Variants in BTNL2 observed in about 807,000 individuals in gnomAD.
BTNL2 encodes butyrophilin-like protein 2.
Under a neutral mutation model 46.8 loss-of-function variants are expected in BTNL2, and 46 were observed. The ratio of observed to expected loss-of-function variants is 0.98; its 90% CI spans 0.78 to 1.26. The LOEUF is 1.26. Ranked by LOEUF, BTNL2 falls within the 50% of genes most tolerant of loss-of-function variation. The pLI is 0.00. For missense variants in BTNL2, 461 were observed against 592.6 expected (o/e 0.78, Z 2.31); for synonymous variants, 226 against 229.1 (o/e 0.99, Z 0.12).
Position 32,405,117 on chromosome 6 carries a change from C to T in BTNL2, c.249G>A (p.Val83=), listed in dbSNP as rs769084104. 5 of 1,613,064 alleles carry T rather than the reference C, an allele frequency of 3.1e-6. No individual in the cohort carries two copies. Among genetic ancestry groups the T allele is most frequent in the Non-Finnish European group, 4.2e-6 (5 of 1,180,028 alleles). The part of the protein sequence containing the change: ...PVFVHRDGVE[V]TEMQMEEYRG... ...TGTACTCCTCCATCTGCATCTCAGT[C>T]ACCTCCACTCCATCCCTGTGCACAA... The change falls in exon 2 of 8, where the codon GTG becomes GTA. Residue 83 remains valine (V), a synonymous_variant. Coordinates refer to ENST00000454136, the MANE Select transcript of BTNL2 (RefSeq NM_001304561.2).
rs1190728338 is a variant in BTNL2 at position 32,407,093 on chromosome 6, C to T, written c.31G>A (p.Gly11Ser). 3.1e-6 allele frequency: 5 copies of T among 1,613,000 alleles called. No individual in the cohort carries two copies. Among genetic ancestry groups the T allele is most frequent in the East Asian group, 2.2e-5 (1 of 44,882 alleles). The change falls in exon 1 of 8, where the codon GGT becomes AGT. Residue 11 changes from glycine (G) to serine (S), a missense_variant. Coordinates refer to ENST00000454136, the MANE Select transcript of BTNL2 (RefSeq NM_001304561.2). Reference sequence around the variant, plus strand: ...ATGAATAGGAAGGAGGCGACTGCACCAGACAGATTGTAGCCTGGAAAATCC... The same window carrying T: ...ATGAATAGGAAGGAGGCGACTGCACTAGACAGATTGTAGCCTGGAAAATCC... The part of the protein sequence containing the change: MVDFPGYNLS[G>S]AVASFLFILL...
At chr6:32,405,457 C>T in intron 1 of BTNL2, 171 bp from the exon 2 acceptor site, 1 of 767,464 alleles carries the variant, frequency 1.3e-6, no homozygotes, top group Admixed American at 2.0e-5. Flanking sequence ...GTTACAGAGT[C>T]AATTTTGTGT....
At chr6:32,395,408 A>G (rs942006517) in intron 5 of BTNL2, among the ~76,000 whole-genome samples, 2 of 152,240 alleles carry the variant, frequency 1.3e-5, no homozygotes, top group African/African-American at 2.4e-5. Flanking sequence ...GGCAGAAAAT[A>G]CGAGGCTCAT....
chr6:32,404,806 C>G (rs979399516), intron 2 of BTNL2, 133 bp downstream of exon 2: 3 of 835,508 alleles, frequency 3.6e-6, no homozygotes, highest in African/African-American at 1.7e-5. Flanking sequence ...ATTTTTAAAT[C>G]AATCAGGGTA....
chr6:32,406,917 G>A, intron 1 of BTNL2, 128 bp downstream of exon 1: 1 of 785,954 alleles, frequency 1.3e-6, no homozygotes, highest in Non-Finnish European at 2.1e-6. Context: ...TCAAAAGTGA[G>A]GAGTTCCTTT....
chr6:32,399,940 G>A lies in BTNL2; in HGVS notation c.730+1845C>T, dbSNP rs896128898. Among the ~76,000 whole-genome samples the A allele has an allele frequency of 2.4e-4, 37 of 152,236 alleles. No individual in the cohort carries two copies. The highest frequency in any genetic ancestry group is 7.7e-4 in the African/African-American group (32 of 41,558). ...CCCACCTGACAGGAAGCAAAGGGAA[G>A]CTCCATCTTTCCGTGTTGGTTAATT... On this transcript the variant is annotated intron_variant, in intron 4 of 7. Coordinates refer to ENST00000454136, the MANE Select transcript of BTNL2 (RefSeq NM_001304561.2). The surrounding 1 kb of genome is among the most constrained non-coding windows in gnomAD (Gnocchi z 5.2).
In BTNL2 at chr6:32,396,898, C is replaced by T. The variant is rs796092835; in HGVS notation, c.731-512G>A. ...AGGAGGCTGAGGTGGAAAAATTGCT[C>T]GAACCCGGGAGGCAGAGGTTGCAGT... is the stretch of plus-strand genomic sequence containing the variant. On this transcript the variant is annotated intron_variant, in intron 4 of 7. Transcript: ENST00000454136. This position sits in a 1 kb window ranked among gnomAD's most constrained non-coding sequence, Gnocchi z 4.4. 0.011 allele frequency among the ~76,000 whole-genome samples: 1,744 copies of T among 151,848 alleles called. 55 individuals carry two copies. Among genetic ancestry groups the T allele is most frequent in the East Asian group, 0.1 (514 of 5,056 alleles).
Position 32,407,046 on chromosome 6 carries a change from T to G in BTNL2, c.78A>C (p.Ser26=), listed in dbSNP as rs1216253953. The change falls in exon 1 of 8, where the codon TCA becomes TCC. Residue 26 remains serine (S), a splice_region_variant and synonymous_variant. Transcript: ENST00000454136. ...AGTAAAGGGAGAAGGGAATCCTACCTGACTGCTTCATTGTCAGCAGGATGA... is the reference window on the plus strand; with the variant it reads ...AGTAAAGGGAGAAGGGAATCCTACCGGACTGCTTCATTGTCAGCAGGATGA... ...FLFILLTMKQ[S]EDFRVIGPAH... 6.2e-7 allele frequency: 1 copy of G among 1,612,622 alleles called. No homozygotes were observed. Among genetic ancestry groups the G allele is most frequent in the Non-Finnish European group, 8.5e-7 (1 of 1,179,806 alleles).
intron 2 of BTNL2, among the ~76,000 whole-genome samples, chr6:32,404,597 G>A (rs560506341): frequency 2.0e-5 from 3 of 152,182 alleles, no homozygotes; most frequent in South Asian, 2.1e-4. Flanking sequence ...TACAGATGCC[G>A]GACGTCAGCT....
At chr6:32,403,304 G>A in intron 2 of BTNL2, 88 bp from the exon 3 acceptor site, 2 of 1,429,792 alleles carry the variant, frequency 1.4e-6, no homozygotes, top group Non-Finnish European at 9.3e-7. Flanking sequence ...TGCTCACAGG[G>A]AGGTGGCCGG....
chr6:32,403,402 G>T (rs2076522), intron 2 of BTNL2, among the ~76,000 whole-genome samples, 186 bp from the exon 3 acceptor site: 11 of 152,004 alleles, frequency 7.2e-5, no homozygotes, highest in Non-Finnish European at 1.2e-4. Context: ...CCCCAGTCTG[G>T]GTCTTTACAT....
rs1208647471 is a variant in BTNL2, at chr6:32,396,809, C to T, written c.731-423G>A. 6.6e-6 allele frequency among the ~76,000 whole-genome samples: 1 copy of T among 151,542 alleles called. No homozygotes were observed. Among genetic ancestry groups the T allele is most frequent in the Non-Finnish European group, 1.5e-5 (1 of 67,956 alleles). The stretch of plus-strand genomic sequence containing the variant: ...CAGCCTGGCCAACATGGTGAAACCC[C>T]GTCTCTACAGAAATACAAAAATTAG... On this transcript the variant is annotated intron_variant, in intron 4 of 7. Transcript: ENST00000454136. This position sits in a 1 kb window ranked among gnomAD's most constrained non-coding sequence, Gnocchi z 4.4.
At position 32,401,207 on chromosome 6, in the gene BTNL2, C is replaced by CAAAAAAAAAAAAAAAA. The variant is rs9279632; in HGVS notation, c.730+562_730+577dup. Among the ~76,000 whole-genome samples the CAAAAAAAAAAAAAAAA allele has an allele frequency of 5.7e-4, 22 of 38,918 alleles. 1 individual carries two copies. Among genetic ancestry groups the CAAAAAAAAAAAAAAAA allele is most frequent in the Admixed American group, 1.9e-3 (4 of 2,068 alleles). The allele number at this position is 38,918 out of a possible 152,430, so 25.5% of individuals were successfully genotyped here. On this transcript the variant is annotated intron_variant, in intron 4 of 7. Transcript: ENST00000454136. ...TGGGCGACAGAGCAAGACTCCGTCTCAAAAAAAAAAAAAAAAAAAAAAAAA... is the reference window on the plus strand; with the variant it reads ...TGGGCGACAGAGCAAGACTCCGTCTCAAAAAAAAAAAAAAAAAAAAAAAAAAAAAAAAAAAAAAAAA...
rs115645717 is a variant in BTNL2 at position 32,394,542 on chromosome 6, G to A, written c.1360+202C>T. ...CCAATGATAAAAATAATTGCAGGGC[G>A]CTAGTTGAGGGTGTCAGAGAGAAAC... On this transcript the variant is annotated intron_variant, in intron 6 of 7. Transcript: ENST00000454136. The surrounding 1 kb of genome is among the most constrained non-coding windows in gnomAD (Gnocchi z 4.6). Among the ~76,000 whole-genome samples the A allele has an allele frequency of 2.0e-3, 300 of 152,290 alleles. 1 individual carries two copies. Among genetic ancestry groups the A allele is most frequent in the African/African-American group, 6.9e-3 (288 of 41,546 alleles).
chr6:32,404,942 C>T lies in BTNL2; in HGVS notation c.424G>A (p.Ala142Thr). The T allele has an allele frequency of 6.2e-7, 1 of 1,612,204 alleles. No homozygotes were observed. The highest frequency in any genetic ancestry group is 8.5e-7 in the Non-Finnish European group (1 of 1,179,220). ...GTGTCTTTCCCCAGATATTCACCTG[C>T]TACTTTGAGCAGCAAGCTTGTTTCT... ...CGETSLLLKV[A>T]GLGSAPSIHM... Residue 142 changes from alanine (A) to threonine (T), a missense_variant, in exon 2 of 8, where the codon GCA becomes ACA. Ala to Thr is a moderately conservative substitution (Grantham distance 58). Transcript: ENST00000454136.
chr6:32,401,875 A>G, intron 3 of BTNL2, 70 bp from the exon 4 acceptor site: 2 of 1,402,212 alleles, frequency 1.4e-6, no homozygotes, highest in Non-Finnish European at 2.0e-6. Flanking sequence ...TATTTTTTAA[A>G]AAAGAAAGCA....
chr6:32,404,525 C>T (rs1776989916), intron 2 of BTNL2, among the ~76,000 whole-genome samples: 1 of 152,204 alleles, frequency 6.6e-6, no homozygotes, highest in Non-Finnish European at 1.5e-5. Context: ...AAGGAAAGAA[C>T]ATTTTCACGT....
chr6:32,403,292 G>GTTGC, intron 2 of BTNL2, 76 bp from the exon 3 acceptor site: 1 of 1,475,292 alleles, frequency 6.8e-7, no homozygotes, highest in Non-Finnish European at 9.1e-7. Flanking sequence ...TCCCAGTGAC[G>GTTGC]TTGCTCACAG....
At chr6:32,400,659 A>T (rs28359862) in intron 4 of BTNL2, among the ~76,000 whole-genome samples, 60,212 of 147,324 alleles carry the variant, frequency 0.41, 12,684 homozygotes, top group Admixed American at 0.48. Flanking sequence ...CTGTAATCCC[A>T]GCACCTTTGG....
Sources: gnomAD v4.1 joint callset for allele counts (sites outside exome capture counted in the v4.1 genomes callset) on GRCh38, gnomAD v4.1.1 for gene constraint, Gnocchi (gnomAD v3.1) non-coding constraint, MANE v1.5 for transcripts, NCBI Gene and HGNC (gene_info 2026-07-23, HGNC 2026-07-21) for gene names.